ATRX: variants seen among roughly 807,000 people sequenced by gnomAD.
ATRX encodes the protein chromatin remodeler ATRX.
Under a neutral mutation model 172.6 loss-of-function variants are expected in ATRX, and 12 were observed. That is an observed-to-expected ratio of 0.07 (90% CI 0.04 to 0.11). The LOEUF is 0.11. ATRX is among the 10% of genes least tolerant of loss of function. The pLI is 1.00. For synonymous variants in ATRX, 674 were observed against 594.7 expected (o/e 1.13, Z -1.94); for missense variants, 1,368 against 1,767.4 (o/e 0.77, Z 4.05).
chrX:77,659,825 A>AT (rs1168932080), intron 12 of ATRX, among the ~76,000 whole-genome samples: 2 of 111,646 alleles, frequency 1.8e-5, no homozygotes, highest in Admixed American at 9.6e-5. Flanking sequence ...TTCACTACTG[A>AT]TTTTTTCCCA....
intron 15 of ATRX, among the ~76,000 whole-genome samples, chrX:77,649,126 A>G (rs2069076373): frequency 9.1e-6 from 1 of 110,417 alleles, no homozygotes; most frequent in African/African-American, 3.3e-5. Flanking sequence ...ATCACACTAT[A>G]GCACTCTAGC....
intron 30 of ATRX, among the ~76,000 whole-genome samples, chrX:77,542,646 G>T (rs1233908952): frequency 1.8e-5 from 2 of 111,179 alleles, no homozygotes; most frequent in Non-Finnish European, 3.8e-5. Flanking sequence ...CAAAACAGAG[G>T]CCTCAGAAAT....
At chrX:77,696,969 G>A (rs1041167697) in intron 4 of ATRX, among the ~76,000 whole-genome samples, 24 of 111,908 alleles carry the variant, frequency 2.1e-4, no homozygotes, top group African/African-American at 7.1e-4. Context: ...CTACTTCAGA[G>A]AATAAATTAA....
chrX:77,599,593 A>C lies in ATRX; in HGVS notation c.5787-13T>G. ...TTTTTTCTTCTTTCTAAAAACAAAC[A>C]AACAAACAAACAAAAAAACACATTC... On this transcript the variant is annotated splice_polypyrimidine_tract_variant and intron_variant, in intron 24 of 34. Transcript: ENST00000373344. The C allele has an allele frequency of 8.3e-7, 1 of 1,208,607 alleles. No individual in the cohort carries two copies. Among genetic ancestry groups the C allele is most frequent in the Non-Finnish European group, 1.1e-6 (1 of 893,366 alleles).
chrX:77,516,810 A>C (rs2063069720), intron 34 of ATRX, among the ~76,000 whole-genome samples: 2 of 112,032 alleles, frequency 1.8e-5, no homozygotes, highest in Admixed American at 1.9e-4. Context: ...ATCATTCTCA[A>C]GGAAAGACCA....
In ATRX at chrX:77,570,357, T is replaced by TA. The variant is rs1239023530; in HGVS notation, c.6326+3892dup. Among the ~76,000 whole-genome samples the TA allele has an allele frequency of 2.8e-5, 3 of 108,671 alleles. No individual in the cohort carries two copies. In the East Asian group the frequency reaches 8.7e-4, roughly 31 times the overall value. The allele number at this position is 108,671 out of a possible 115,157, so 94.4% of individuals were successfully genotyped here. A position where few individuals can be genotyped will look rare whatever the true frequency, so the allele number is the denominator to read the frequency against. On this transcript the variant is annotated intron_variant, in intron 28 of 34. Transcript: ENST00000373344. ...CCATGCCTGGGTATTTTTTTTTTTTTAGAGACAGGGTCTCGCTGTGATGCT... is the reference window on the plus strand; with the variant it reads ...CCATGCCTGGGTATTTTTTTTTTTTTAAGAGACAGGGTCTCGCTGTGATGCT...
chrX:77,514,566 G>T (rs1184874660), intron 34 of ATRX, among the ~76,000 whole-genome samples: 1 of 112,217 alleles, frequency 8.9e-6, no homozygotes, highest in African/African-American at 3.2e-5. Context: ...GGAGAAGATT[G>T]AAACTGGACC....
At chrX:77,524,108 C>T (rs1557042765) in intron 30 of ATRX, among the ~76,000 whole-genome samples, 1 of 111,536 alleles carries the variant, frequency 9.0e-6, no homozygotes, top group Non-Finnish European at 1.9e-5. Context: ...GTAAGAACAA[C>T]TAAACTCCTG....
chrX:77,567,276 G>A (rs781804096), intron 28 of ATRX, among the ~76,000 whole-genome samples: 44 of 110,730 alleles, frequency 4.0e-4, no homozygotes, highest in Non-Finnish European at 6.2e-4. Context: ...AAATATAAAC[G>A]GTCTATATAC....
chrX:77,703,581 G>A (rs1168122828), intron 2 of ATRX, among the ~76,000 whole-genome samples: 1 of 112,346 alleles, frequency 8.9e-6, no homozygotes, highest in Non-Finnish European at 1.9e-5. Context: ...GGCTTGGGGA[G>A]CTCCCAGGTC....
intron 30 of ATRX, among the ~76,000 whole-genome samples, chrX:77,531,179 T>G (rs1301863146): frequency 9.0e-6 from 1 of 111,706 alleles, no homozygotes; most frequent in East Asian, 2.8e-4. Flanking sequence ...ACCAGATGGA[T>G]TCATAGCCGA....
chrX:77,578,321 G>A (rs897680283), intron 27 of ATRX, among the ~76,000 whole-genome samples: 2 of 112,019 alleles, frequency 1.8e-5, no homozygotes, highest in African/African-American at 3.2e-5. Flanking sequence ...ATACCACTGG[G>A]GCGGCTAAGA....
chrX:77,768,039 AC>A (rs2076037057), intron 1 of ATRX, among the ~76,000 whole-genome samples: 1 of 111,991 alleles, frequency 8.9e-6, no homozygotes, highest in Non-Finnish European at 1.9e-5. Context: ...TTATCATAAG[AC>A]CCAGAACTAA....
At chrX:77,633,867 C>A (rs2068223307) in intron 17 of ATRX, 155 bp from the exon 18 acceptor site, 1 of 523,894 alleles carries the variant, frequency 1.9e-6, no homozygotes, top group African/African-American at 2.4e-5. Flanking sequence ...TAGTAAAATG[C>A]CAAAGTTCAA....
chrX:77,617,962 G>A (rs2067423416), intron 21 of ATRX, among the ~76,000 whole-genome samples: 1 of 111,243 alleles, frequency 9.0e-6, no homozygotes, highest in Admixed American at 9.6e-5. Context: ...TTAGCTCACT[G>A]CAGCCTTGAA....
chrX:77,511,155 T>A (rs1753235927), intron 34 of ATRX, among the ~76,000 whole-genome samples: 1 of 111,880 alleles, frequency 8.9e-6, no homozygotes, highest in South Asian at 3.8e-4. Context: ...TGCCTGGTAA[T>A]CCAGACAATT....
chrX:77,705,075 C>T (rs782582004), intron 2 of ATRX, among the ~76,000 whole-genome samples: 8 of 111,259 alleles, frequency 7.2e-5, no homozygotes, highest in Non-Finnish European at 1.3e-4. Flanking sequence ...TGGGTGGCTG[C>T]GGCTGCACCC....
At chrX:77,511,433 C>T (rs2062865355) in intron 34 of ATRX, among the ~76,000 whole-genome samples, 1 of 111,450 alleles carries the variant, frequency 9.0e-6, no homozygotes, top group Admixed American at 9.5e-5. Flanking sequence ...TCAAGACCAT[C>T]CAGGAAACAC....
chrX:77,579,836 C>T (rs1026252476), intron 27 of ATRX, among the ~76,000 whole-genome samples: 5 of 111,870 alleles, frequency 4.5e-5, no homozygotes, highest in African/African-American at 1.6e-4. Context: ...CGGGAAAATC[C>T]GGGAAAGACA....
Sources: allele counts gnomAD v4.1 joint callset (sites outside exome capture counted in the v4.1 genomes callset), GRCh38; gene constraint gnomAD v4.1.1; transcripts MANE v1.5; gene names NCBI Gene and HGNC (gene_info 2026-07-23, HGNC 2026-07-21).